The following LMNTD2 variants were observed in gnomAD, a reference collection of about 807,000 sequenced individuals.
The protein encoded by LMNTD2 is lamin tail domain-containing protein 2.
In LMNTD2, 83 loss-of-function variants were observed where a neutral mutation model predicts 70.1. The observed-to-expected ratio is 1.18, with a 90% CI of 0.99 to 1.42. The LOEUF (loss-of-function observed/expected upper bound fraction) is 1.42. Among genes scored for constraint, LMNTD2 ranks in the 40% most tolerant of loss-of-function variants. LMNTD2 has a pLI of 0.00. For missense variants in LMNTD2, 1,153 were observed against 905.9 expected, an observed-to-expected ratio of 1.27 and a Z score of -3.50; for synonymous variants, 534 against 406.1, an observed-to-expected ratio of 1.31 and a Z score of -3.79.
In LMNTD2 at chr11:556,584, G is replaced by A. The variant is rs1015114902; in HGVS notation, c.981C>T (p.Leu327=). 5.2e-6 allele frequency: 8 copies of A among 1,527,168 alleles called. No homozygotes were observed. Among genetic ancestry groups the A allele is most frequent in the African/African-American group, 1.4e-5 (1 of 72,066 alleles). The allele number at this position is 1,527,168 out of a possible 1,614,324, so 94.6% of individuals were successfully genotyped here. A position where few individuals can be genotyped will look rare whatever the true frequency, so the allele number is the denominator to read the frequency against. Residue 327 remains leucine (L), a synonymous_variant, in exon 9 of 14, where the codon CTC becomes CTT. Transcript: ENST00000329451. ...CGTGCCTGGGTGAGTGGGTTTTCTG[G>A]AGATCTAGAGAGAGCAGCGCTTTTG... ...AGSYSRDSED[L]QKTHSPRHGE...
intron 1 of LMNTD2, chr11:560,440 G>A (rs1564821055): frequency 8.0e-7 from 1 of 1,246,138 alleles, no homozygotes; most frequent in Non-Finnish European, 1.0e-6. Context: ...AGCTCCGCAG[G>A]GCTCCACCTC....
At chr11:556,692 G>A in intron 8 of LMNTD2, 104 bp from the exon 9 acceptor site, 1 of 1,410,286 alleles carries the variant, frequency 7.1e-7, no homozygotes, top group Non-Finnish European at 9.3e-7. Flanking sequence ...GGGGCAGGGA[G>A]CAGGGCCAGG....
In LMNTD2 at chr11:557,915, C is replaced by T. The variant is rs765247683; in HGVS notation, c.524G>A (p.Arg175His). 23 of 1,581,100 alleles carry T rather than the reference C, an allele frequency of 1.5e-5. No individual in the cohort carries two copies. Among genetic ancestry groups the T allele is most frequent in the Non-Finnish European group, 1.8e-5 (21 of 1,164,476 alleles). The change falls in exon 5 of 14, where the codon CGC (arginine) becomes CAC (histidine). Residue 175 changes from arginine (R) to histidine (H), a missense_variant. Transcript: ENST00000329451. ...LQLARSSWVG[R>H]MLRSQTGSVE... is the part of the protein sequence containing the mutation. ...ACTGCCAGTCTGGGATCGTAGCATG[C>T]GGCCCACCCACGAGGAGCGGGCCAG...
rs1853069190 is a variant in LMNTD2 at position 558,737 on chromosome 11, G to C, written c.188C>G (p.Thr63Arg). The C allele has an allele frequency of 1.2e-6, 2 of 1,608,746 alleles. No individual in the cohort carries two copies. Among genetic ancestry groups the C allele is most frequent in the African/African-American group, 2.7e-5 (2 of 74,982 alleles). Residue 63 changes from threonine (T) to arginine (R), a missense_variant, in exon 3 of 14, where the codon ACA becomes AGA. Transcript: ENST00000329451. ...TCGCTGTCTCCACAGCAGCCGCAGT[G>C]TGCGAGGGTCCAGGGACTCAAGAGC... is the stretch of plus-strand genomic sequence containing the variant. The part of the protein sequence containing the change: ...QLALESLDPR[T>R]LRLLWRQREL...
Position 560,736 on chromosome 11 carries a change from G to C in LMNTD2, c.-20C>G. The C allele has an allele frequency of 7.0e-7, 1 of 1,419,698 alleles. No individual in the cohort carries two copies. The highest frequency in any genetic ancestry group is 3.1e-5 in the East Asian group (1 of 32,660). The allele number at this position is 1,419,698 out of a possible 1,614,324, so 87.9% of individuals were successfully genotyped here. ...CCGCATTTCCGCGTTTTTCGCGGTA[G>C]GCGGGAGGTGGGGGCGGGGACTGCG... On this transcript the variant is annotated 5_prime_UTR_variant, in exon 1 of 14. Coordinates refer to ENST00000329451, the MANE Select transcript of LMNTD2 (RefSeq NM_173573.3).
intron 7 of LMNTD2, 28 bp downstream of exon 7, chr11:557,371 C>T (rs1175499154): frequency 6.4e-7 from 1 of 1,568,846 alleles, no homozygotes; most frequent in South Asian, 1.2e-5. Flanking sequence ...CTTCTGGCCC[C>T]TGGGGAGTCC....
Position 557,922 on chromosome 11 carries a change from C to A in LMNTD2, c.517G>T (p.Val173Leu), listed in dbSNP as rs1853001871. 4 of 1,587,170 alleles carry A rather than the reference C, an allele frequency of 2.5e-6. No individual in the cohort carries two copies. The change falls in exon 5 of 14, where the codon GTG (valine) becomes TTG (leucine). Residue 173 changes from valine to leucine, a missense_variant. By Grantham distance (32) the Val-to-Leu change is conservative. Transcript: ENST00000329451. ...GTCTGGGATCGTAGCATGCGGCCCA[C>A]CCACGAGGAGCGGGCCAGCTGCAGG... ...CLLQLARSSWVGRMLRSQTGS... is the reference protein window; with the variant it reads ...CLLQLARSSWLGRMLRSQTGS...
At chr11:558,474 A>T in intron 3 of LMNTD2, 140 bp downstream of exon 3, 1 of 1,186,922 alleles carries the variant, frequency 8.4e-7, no homozygotes, top group Non-Finnish European at 1.2e-6. Context: ...GTGTTAACTT[A>T]GGATCAGGGT....
At position 558,968 on chromosome 11, in the gene LMNTD2, C is replaced by T. The variant is rs745836389; in HGVS notation, c.46G>A (p.Val16Ile). 14 of 1,601,532 alleles carry T rather than the reference C, an allele frequency of 8.7e-6. No individual in the cohort carries two copies. Among genetic ancestry groups the T allele is most frequent in the Non-Finnish European group, 1.2e-5 (14 of 1,179,678 alleles). ...PAGRRREQES[V>I]SGHLGPPAGA... The stretch of plus-strand genomic sequence containing the variant: ...GCTGGAGGTCCCAGGTGACCACTGA[C>T]CGACTCTTGCTCTGTGGGGGACAGG... Residue 16 changes from valine to isoleucine, a missense_variant, in exon 2 of 14, where the codon GTC (valine) becomes ATC (isoleucine). Val to Ile is a conservative substitution (Grantham distance 29). Coordinates refer to ENST00000329451, the MANE Select transcript of LMNTD2 (RefSeq NM_173573.3).
intron 1 of LMNTD2, chr11:559,547 C>T (rs768255311): frequency 8.2e-7 from 1 of 1,219,482 alleles, no homozygotes; most frequent in African/African-American, 1.6e-5. Flanking sequence ...AGCGGGGGGA[C>T]CACTTAGTGA....
chr11:560,659 C>A, intron 1 of LMNTD2, 24 bp downstream of exon 1: 1 of 1,414,896 alleles, frequency 7.1e-7, no homozygotes, highest in Non-Finnish European at 9.3e-7. Flanking sequence ...GGAAGTCGGC[C>A]CAGGAGCGGG....
intron 7 of LMNTD2, 52 bp from the exon 8 acceptor site, chr11:557,149 G>GC: frequency 5.3e-6 from 8 of 1,516,666 alleles, no homozygotes; most frequent in South Asian, 2.5e-5. Flanking sequence ...CCCCAGCCCT[G>GC]CCCCCGTCCA....
At chr11:555,673 C>T in intron 12 of LMNTD2, 61 bp downstream of exon 12, 2 of 1,343,274 alleles carry the variant, frequency 1.5e-6, no homozygotes, top group African/African-American at 1.6e-5. Context: ...TACGAGGGAC[C>T]GTTTCTGCTG....
chr11:559,114 G>C (rs1853109549), intron 1 of LMNTD2, 135 bp from the exon 2 acceptor site: 1 of 1,498,118 alleles, frequency 6.7e-7, no homozygotes, highest in South Asian at 1.3e-5. Flanking sequence ...TGGCCACACA[G>C]GTTGGAGCAG....
intron 2 of LMNTD2, 28 bp from the exon 3 acceptor site, chr11:558,794 A>G (rs758753213): frequency 6.3e-6 from 10 of 1,599,650 alleles, no homozygotes; most frequent in Non-Finnish European, 8.5e-6. Context: ...CCTGCTGCTT[A>G]CTCAGGCCGG....
At position 557,917 on chromosome 11, in the gene LMNTD2, GC is replaced by G. The variant is rs753772535; in HGVS notation, c.521del (p.Gly174AlafsTer13). On this transcript the variant is annotated frameshift_variant, in exon 5 of 14. Transcript: ENST00000329451. LOFTEE classifies it high-confidence loss of function. ...LLQLARSSWV[G>X]RMLRSQTGSV... Reference sequence around the variant, plus strand: ...TGCCAGTCTGGGATCGTAGCATGCGGCCCACCCACGAGGAGCGGGCCAGCTG... The same window carrying G: ...TGCCAGTCTGGGATCGTAGCATGCGGCCACCCACGAGGAGCGGGCCAGCTG... 1 of 1,583,428 alleles carries G rather than the reference GC, an allele frequency of 6.3e-7. No individual in the cohort carries two copies. The highest frequency in any genetic ancestry group is 1.2e-5 in the South Asian group (1 of 86,486).
At chr11:558,392 C>A in intron 3 of LMNTD2, 144 bp from the exon 4 acceptor site, 1 of 1,102,936 alleles carries the variant, frequency 9.1e-7, no homozygotes, top group Non-Finnish European at 1.3e-6. Context: ...CTGGGGCTGG[C>A]CAGCCTCCGG....
intron 13 of LMNTD2, 74 bp downstream of exon 13, chr11:555,231 G>T: frequency 9.4e-7 from 1 of 1,066,846 alleles, no homozygotes; most frequent in Non-Finnish European, 1.2e-6. Flanking sequence ...AGACAGAGGG[G>T]AGGGAGGGGC....
At chr11:556,681 C>G (rs1333786511) in intron 8 of LMNTD2, 93 bp from the exon 9 acceptor site, 1 of 1,409,754 alleles carries the variant, frequency 7.1e-7, no homozygotes, top group African/African-American at 1.4e-5. Context: ...CAACGCCTGG[C>G]GGGGCAGGGA....
Sources: gnomAD v4.1 joint callset for allele counts on GRCh38, gnomAD v4.1.1 for gene constraint, MANE v1.5 for transcripts, NCBI Gene and HGNC (gene_info 2026-07-23, HGNC 2026-07-21) for gene names.